Variants in MSH3 observed in about 807,000 individuals in gnomAD.
MSH3 encodes mutS homolog 3.
In MSH3, 106 loss-of-function variants were observed where a neutral mutation model predicts 123.3. That is an observed-to-expected ratio of 0.86 (90% confidence interval 0.73 to 1.01). The LOEUF (loss-of-function observed/expected upper bound fraction) is 1.01, where lower values mean the gene tolerates loss of function less well. Among genes scored for constraint, MSH3 ranks in the 50% least tolerant of loss-of-function variants. The pLI is 0.00. For missense variants in MSH3, 1,459 were observed against 1,347.6 expected, an observed-to-expected ratio of 1.08 and a Z score of -1.29; for synonymous variants, 515 against 481.4, an observed-to-expected ratio of 1.07 and a Z score of -0.91.
At chr5:80,863,452 C>T (rs1438461798) in intron 21 of MSH3, among the ~76,000 whole-genome samples, 2 of 152,008 alleles carry the variant, frequency 1.3e-5, no homozygotes, top group East Asian at 1.9e-4. Flanking sequence ...GGGTGGATCA[C>T]GAGGTCAGGA....
intron 4 of MSH3, among the ~76,000 whole-genome samples, chr5:80,671,050 G>T (rs1053482494): frequency 7.2e-5 from 11 of 151,944 alleles, no homozygotes; most frequent in African/African-American, 2.4e-4. Flanking sequence ...TTGAACCCGG[G>T]AGATGGAGGT....
intron 21 of MSH3, among the ~76,000 whole-genome samples, chr5:80,860,126 AAACAT>A (rs1312137906): frequency 2.6e-5 from 4 of 151,968 alleles, no homozygotes; most frequent in South Asian, 4.2e-4. Context: ...ATATATATAT[AAACAT>A]ACATAATCGC....
chr5:80,677,793 T>A (rs1257269298), intron 7 of MSH3, among the ~76,000 whole-genome samples: 1 of 152,262 alleles, frequency 6.6e-6, no homozygotes, highest in Non-Finnish European at 1.5e-5. Flanking sequence ...TTGTTTACCA[T>A]TTTGTATGTG....
At chr5:80,862,726 A>G (rs751904872) in intron 21 of MSH3, among the ~76,000 whole-genome samples, 58 of 152,274 alleles carry the variant, frequency 3.8e-4, no homozygotes, top group Non-Finnish European at 7.4e-4. Flanking sequence ...TGCCATTGCA[A>G]TCTAGCCTGG....
intron 20 of MSH3, among the ~76,000 whole-genome samples, chr5:80,824,734 A>C (rs919510676): frequency 5.9e-5 from 9 of 152,214 alleles, no homozygotes; most frequent in African/African-American, 1.9e-4. Flanking sequence ...TTTCTTTTCT[A>C]AAATGGTATC....
intron 2 of MSH3, among the ~76,000 whole-genome samples, chr5:80,658,774 T>TA (rs35929737): frequency 0.26 from 38,992 of 151,868 alleles, 5,178 homozygotes; most frequent in Middle Eastern, 0.34. Flanking sequence ...AATATATATA[T>TA]TTTTTTAGAG....
chr5:80,727,850 G>C lies in MSH3; in HGVS notation c.1454-1001G>C, dbSNP rs578181769. On this transcript the variant is annotated intron_variant, in intron 9 of 23. Transcript: ENST00000265081. ...GTGGGTTGAACTTTTAAATAGGATG[G>C]TAAAGGAAGGCCTCACTGAGAAACA... Among the ~76,000 whole-genome samples the C allele has an allele frequency of 5.9e-5, 9 of 152,140 alleles. No individual in the cohort carries two copies. The South Asian group carries it at 1.9e-3, about 32-fold the overall frequency.
chr5:80,761,811 C>T, intron 13 of MSH3, 133 bp downstream of exon 13: 1 of 990,324 alleles, frequency 1.0e-6, no homozygotes, highest in Non-Finnish European at 1.5e-6. Flanking sequence ...GCGAGAGTAG[C>T]TGAATCCTCA....
In MSH3 at chr5:80,852,182, TTGGTG is replaced by T. The variant is rs569416018; in HGVS notation, c.2814-1942_2814-1938del. 4.2e-4 allele frequency among the ~76,000 whole-genome samples: 64 copies of T among 152,158 alleles called. No homozygotes were observed. In the South Asian group the frequency reaches 0.013, roughly 31 times the overall value. ...CTCTACAAAAAATTTAAAAATTAGCTTGGTGTGGTGGCATGCGCCAGTGGTCCCAG... is the reference window on the plus strand; with the variant it reads ...CTCTACAAAAAATTTAAAAATTAGCTTGGTGGCATGCGCCAGTGGTCCCAG... On this transcript the variant is annotated intron_variant, in intron 20 of 23. Transcript: ENST00000265081.
chr5:80,845,014 G>A (rs539820078), intron 20 of MSH3, among the ~76,000 whole-genome samples: 2 of 152,294 alleles, frequency 1.3e-5, no homozygotes, highest in African/African-American at 4.8e-5. Context: ...TTTACAATTT[G>A]GCATGTTTTT....
intron 22 of MSH3, among the ~76,000 whole-genome samples, chr5:80,872,072 G>A (rs1369660028): frequency 2.0e-5 from 3 of 152,060 alleles, no homozygotes; most frequent in Admixed American, 6.6e-5. Flanking sequence ...AACAGAATCC[G>A]GTATGTATAG....
rs1395956642 is a variant in MSH3 at position 80,654,944 on chromosome 5, C to T, written c.217C>T (p.Pro73Ser). The part of the protein sequence containing the change: ...PPAPPAPAFP[P>S]QLPPHIATEI... ...AGCGCCCCCAGCTCCCGCCTTCCCG[C>T]CCCAGCTGCCGCCGCACATAGTAGG... is the stretch of plus-strand genomic sequence containing the variant. Residue 73 changes from proline (P) to serine (S), a missense_variant, in exon 1 of 24, where the codon CCC (proline) becomes TCC (serine). Transcript: ENST00000265081. 18 of 1,486,904 alleles carry T rather than the reference C, an allele frequency of 1.2e-5. No homozygotes were observed. The highest frequency in any genetic ancestry group is 1.6e-5 in the Non-Finnish European group (18 of 1,119,380). The allele number at this position is 1,486,904 out of a possible 1,614,324, so 92.1% of individuals were successfully genotyped here.
intron 20 of MSH3, among the ~76,000 whole-genome samples, chr5:80,841,261 T>A (rs1213635528): frequency 6.6e-6 from 1 of 152,230 alleles, no homozygotes; most frequent in African/African-American, 2.4e-5. Flanking sequence ...TGCATAGTAT[T>A]CCATGGTGTA....
chr5:80,736,509 C>G (rs1033652976), intron 10 of MSH3, among the ~76,000 whole-genome samples: 8 of 152,162 alleles, frequency 5.3e-5, no homozygotes, highest in Non-Finnish European at 1.2e-4. Context: ...AATCACAAAG[C>G]TTTCCTTAGA....
rs1746303913 is a variant in MSH3 at position 80,876,076 on chromosome 5, C to T, written c.*214C>T. 1.9e-6 allele frequency: 1 copy of T among 516,794 alleles called. No homozygotes were observed. Among genetic ancestry groups the T allele is most frequent in the Non-Finnish European group, 3.4e-6 (1 of 292,760 alleles). The allele number at this position is 516,794 out of a possible 1,614,324, so 32.0% of individuals were successfully genotyped here. Reference sequence around the variant, plus strand: ...CTACGTATAAACACTCTTGAATAGACTTCCACTTTGTAATTAGAAAATTTT... The same window carrying T: ...CTACGTATAAACACTCTTGAATAGATTTCCACTTTGTAATTAGAAAATTTT... On this transcript the variant is annotated 3_prime_UTR_variant, in exon 24 of 24. Transcript: ENST00000265081.
At position 80,726,308 on chromosome 5, in the gene MSH3, C is replaced by T. The variant is rs184052852; in HGVS notation, c.1453+743C>T. Among the ~76,000 whole-genome samples, 6 of 152,266 alleles carry T rather than the reference C, an allele frequency of 3.9e-5. No homozygotes were observed. In the East Asian group the frequency reaches 1.2e-3, roughly 29 times the overall value. ...CCATATGGAGGAAATTTATCTCTGT[C>T]ACATGCTAGAGAGTGTTCATCATCA... On this transcript the variant is annotated intron_variant, in intron 9 of 23. Transcript: ENST00000265081.
intron 20 of MSH3, among the ~76,000 whole-genome samples, chr5:80,839,417 G>A (rs568395018): frequency 6.6e-6 from 1 of 152,260 alleles, no homozygotes; most frequent in Admixed American, 6.5e-5. Flanking sequence ...TCTTCACACT[G>A]TATATCTGGG....
chr5:80,753,716 C>T (rs767554996), intron 12 of MSH3, among the ~76,000 whole-genome samples: 2 of 151,972 alleles, frequency 1.3e-5, no homozygotes, highest in Non-Finnish European at 2.9e-5. Context: ...CAATCCATGG[C>T]CTTTCCACAT....
chr5:80,843,050 T>C (rs1745654904), intron 20 of MSH3, among the ~76,000 whole-genome samples: 1 of 152,176 alleles, frequency 6.6e-6, no homozygotes, highest in African/African-American at 2.4e-5. Context: ...TTGTCATAAA[T>C]AGCTCTTATT....
Sources: gnomAD v4.1 joint callset for allele counts (sites outside exome capture counted in the v4.1 genomes callset) on GRCh38, gnomAD v4.1.1 for gene constraint, MANE v1.5 for transcripts, NCBI Gene and HGNC (gene_info 2026-07-23, HGNC 2026-07-21) for gene names.